LGR5: variants seen among roughly 807,000 people sequenced by gnomAD.
LGR5 encodes the protein leucine-rich repeat-containing G protein-coupled receptor 5.
A neutral mutation model predicts 76.7 loss-of-function variants in LGR5; 54 were observed. The observed-to-expected ratio is 0.70, with a 90% CI of 0.57 to 0.88. The LOEUF (loss-of-function observed/expected upper bound fraction) is 0.88. LGR5 is among the 40% of genes least tolerant of loss of function. The pLI, the probability that LGR5 is intolerant of heterozygous loss-of-function variation, is 0.00. For missense variants in LGR5, 1,078 were observed against 1,073.3 expected, an observed-to-expected ratio of 1.00 and a Z score of -0.06; for synonymous variants, 406 against 421.9, an observed-to-expected ratio of 0.96 and a Z score of 0.46.
At chr12:71,563,694 T>A (rs981778490) in intron 8 of LGR5, among the ~76,000 whole-genome samples, 2 of 152,186 alleles carry the variant, frequency 1.3e-5, no homozygotes, top group African/African-American at 2.4e-5. Flanking sequence ...TTCTTGAAAT[T>A]CTTTCAGGGC....
chr12:71,528,052 A>T (rs1158245378), intron 3 of LGR5, among the ~76,000 whole-genome samples: 1 of 152,062 alleles, frequency 6.6e-6, no homozygotes, highest in African/African-American at 2.4e-5. Context: ...TGCACAGGAA[A>T]AATTAAATGG....
rs1555172221 is a variant in LGR5 at position 71,530,996 on chromosome 12, G to GGAAA, written c.357-4119_357-4118insGAAA. On this transcript the variant is annotated intron_variant, in intron 3 of 17. Coordinates refer to ENST00000266674, the MANE Select transcript of LGR5 (RefSeq NM_003667.4). ...ACCTGTTCTTACTTAGTCCTGTTGG[G>GGAAA]AAAAAAAAAAAAAAAAAGTGGGGGA... Among the ~76,000 whole-genome samples the GGAAA allele has an allele frequency of 1.3e-4, 18 of 138,672 alleles. No individual in the cohort carries two copies. In the South Asian group the frequency reaches 3.1e-3, roughly 24 times the overall value. The allele number at this position is 138,672 out of a possible 152,430, so 91.0% of individuals were successfully genotyped here.
At chr12:71,508,414 AAG>A (rs1874966982) in intron 2 of LGR5, among the ~76,000 whole-genome samples, 1 of 152,098 alleles carries the variant, frequency 6.6e-6, no homozygotes, top group Non-Finnish European at 1.5e-5. Context: ...AAAATCCTGT[AAG>A]AATCAATAAA....
intron 4 of LGR5, among the ~76,000 whole-genome samples, chr12:71,545,936 A>G (rs894124043): frequency 5.3e-5 from 8 of 152,350 alleles, no homozygotes; most frequent in Non-Finnish European, 1.0e-4. Flanking sequence ...GAAAATTTGC[A>G]TTATTAACCT....
chr12:71,491,944 A>G (rs1265351307), intron 1 of LGR5, among the ~76,000 whole-genome samples: 1 of 151,716 alleles, frequency 6.6e-6, no homozygotes, highest in Admixed American at 6.6e-5. Flanking sequence ...ATAGAATTGG[A>G]GTATTATAGT....
intron 12 of LGR5, among the ~76,000 whole-genome samples, chr12:71,572,083 C>CTTTT (rs35367098): frequency 2.2e-5 from 3 of 137,512 alleles, no homozygotes. Flanking sequence ...AAACATCAGC[C>CTTTT]TTTTTTTTTT....
Position 71,440,054 on chromosome 12 carries a change from G to T in LGR5, c.-27G>T. On this transcript the variant is annotated 5_prime_UTR_variant, in exon 1 of 18. Coordinates refer to ENST00000266674, the MANE Select transcript of LGR5 (RefSeq NM_003667.4). The surrounding 1 kb of genome is among the most constrained non-coding windows in gnomAD (Gnocchi z 5.3). ...CCGGTGCTGCTCTCCGCCCGCGTCC[G>T]GCTCGTGGCCCCCTACTTCGGGCAC... is the stretch of plus-strand genomic sequence containing the variant. The T allele has an allele frequency of 6.3e-7, 1 of 1,596,564 alleles. No homozygotes were observed. Among genetic ancestry groups the T allele is most frequent in the East Asian group, 2.2e-5 (1 of 44,824 alleles).
chr12:71,515,110 T>C (rs1451070091), intron 2 of LGR5, among the ~76,000 whole-genome samples: 1 of 152,246 alleles, frequency 6.6e-6, no homozygotes, highest in Non-Finnish European at 1.5e-5. Flanking sequence ...ATTGCTGCTG[T>C]CATGCATTAC....
rs200272164 is a variant in LGR5 at position 71,583,647 on chromosome 12, G to A, written c.1637G>A (p.Gly546Asp). The change falls in exon 18 of 18, where the codon GGC (glycine) becomes GAC (aspartate). Residue 546 changes from glycine (G) to aspartate (D), a missense_variant and splice_region_variant. By Grantham distance (94) the Gly-to-Asp change is moderately conservative (BLOSUM62 -1). Transcript: ENST00000266674. ...LHSVQCSPSP[G>D]PFKPCEHLLD... Reference sequence around the variant, plus strand: ...ATCTTTGCCTTCCTTGGACTTCTAGGCCCCTTCAAACCCTGTGAACACCTG... The same window carrying A: ...ATCTTTGCCTTCCTTGGACTTCTAGACCCCTTCAAACCCTGTGAACACCTG... The A allele has an allele frequency of 1.7e-5, 28 of 1,606,598 alleles. No homozygotes were observed. Among genetic ancestry groups the A allele is most frequent in the Non-Finnish European group, 2.3e-5 (27 of 1,174,798 alleles).
intron 1 of LGR5, among the ~76,000 whole-genome samples, chr12:71,449,784 A>G (rs1460032035): frequency 1.3e-5 from 2 of 152,248 alleles, no homozygotes; most frequent in Non-Finnish European, 2.9e-5. Flanking sequence ...GCTTGAGCTA[A>G]TACCTAACTA....
At chr12:71,494,661 C>A (rs1273789064) in intron 1 of LGR5, among the ~76,000 whole-genome samples, 1 of 151,100 alleles carries the variant, frequency 6.6e-6, no homozygotes, top group African/African-American at 2.5e-5. Context: ...GTGTTCCCAG[C>A]AGAGGAGTCC....
intron 2 of LGR5, among the ~76,000 whole-genome samples, chr12:71,510,034 C>CT (rs1875070194): frequency 6.6e-6 from 1 of 152,304 alleles, no homozygotes; most frequent in South Asian, 2.1e-4. Flanking sequence ...ATCTGTATAG[C>CT]TGTCCTGCCT....
intron 6 of LGR5, among the ~76,000 whole-genome samples, 175 bp from the exon 7 acceptor site, chr12:71,559,411 A>G (rs889088324): frequency 6.6e-6 from 1 of 152,224 alleles, no homozygotes; most frequent in Admixed American, 6.5e-5. Flanking sequence ...TAACGCAGAT[A>G]CTTATAGAAT....
At chr12:71,568,818 A>G (rs1878469978) in intron 11 of LGR5, among the ~76,000 whole-genome samples, 1 of 152,184 alleles carries the variant, frequency 6.6e-6, no homozygotes, top group African/African-American at 2.4e-5. Context: ...TACTTGTTAC[A>G]TGAGGAAATT....
chr12:71,501,541 A>G (rs1202917921), intron 1 of LGR5, among the ~76,000 whole-genome samples: 1 of 152,218 alleles, frequency 6.6e-6, no homozygotes, highest in Non-Finnish European at 1.5e-5. Flanking sequence ...AAGCCTCACC[A>G]TTCTTGATAT....
Position 71,531,532 on chromosome 12 carries a change from T to C in LGR5, c.357-3583T>C, listed in dbSNP as rs147845526. Among the ~76,000 whole-genome samples the C allele has an allele frequency of 3.4e-3, 521 of 152,292 alleles. 2 individuals carry two copies. The highest frequency in any genetic ancestry group is 0.012 in the African/African-American group (500 of 41,562). On this transcript the variant is annotated intron_variant, in intron 3 of 17. Transcript: ENST00000266674. ...TTGGTGTTTTACTGGTAGACGTAGTTGAAAATTTAAATCATTAGGAGGTAA... is the reference window on the plus strand; with the variant it reads ...TTGGTGTTTTACTGGTAGACGTAGTCGAAAATTTAAATCATTAGGAGGTAA...
intron 1 of LGR5, among the ~76,000 whole-genome samples, chr12:71,460,071 A>G (rs1872630621): frequency 6.6e-6 from 1 of 152,076 alleles, no homozygotes; most frequent in Admixed American, 6.6e-5. Context: ...GGAGTTGAAA[A>G]TACTTCACAG....
chr12:71,459,522 A>G (rs1161001462), intron 1 of LGR5, among the ~76,000 whole-genome samples: 2 of 152,080 alleles, frequency 1.3e-5, no homozygotes, highest in Non-Finnish European at 2.9e-5. Context: ...TTTTGTTCAC[A>G]AGGGGGAGCT....
intron 8 of LGR5, 76 bp from the exon 9 acceptor site, chr12:71,566,328 T>C (rs1160996195): frequency 1.1e-6 from 1 of 893,058 alleles, no homozygotes; most frequent in African/African-American, 1.6e-5. Flanking sequence ...TTTACTGTAT[T>C]TGTTCAAATT....
Sources: allele counts gnomAD v4.1 joint callset (sites outside exome capture counted in the v4.1 genomes callset), GRCh38; gene constraint gnomAD v4.1.1; non-coding constraint Gnocchi (gnomAD v3.1); transcripts MANE v1.5; gene names NCBI Gene and HGNC (gene_info 2026-07-23, HGNC 2026-07-21).